Variants in NPC1 observed in about 807,000 individuals in gnomAD.
NPC1 encodes Niemann-Pick C1 protein.
NPC1 carries 85 observed loss-of-function variants against 140.4 expected under a neutral mutation model. The observed-to-expected ratio is 0.61, with a 90% confidence interval of 0.51 to 0.72. NPC1 has a LOEUF of 0.72. Among genes scored for constraint, NPC1 ranks in the 30% least tolerant of loss-of-function variants. The pLI is 0.00. For missense variants in NPC1, 1,504 were observed against 1,623.8 expected (o/e 0.93, Z 1.27); for synonymous variants, 656 against 624.8 (o/e 1.05, Z -0.74).
chr18:23,566,704 C>A (rs1428843497), intron 4 of NPC1, among the ~76,000 whole-genome samples: 1 of 152,162 alleles, frequency 6.6e-6, no homozygotes, highest in African/African-American at 2.4e-5. Flanking sequence ...GATGTTTATC[C>A]TTCCCATGCA....
chr18:23,530,993 A>G (rs919641460), downstream of NPC1, among the ~76,000 whole-genome samples: 4 of 151,798 alleles, frequency 2.6e-5, no homozygotes, highest in African/African-American at 9.7e-5. Context: ...ACATTGGTTG[A>G]TCATTCTCAT....
At chr18:23,523,550 AAAAAAAAAAAAAAAAAAAAG>A (rs1387819914) in intron 1 of NPC1, among the ~76,000 whole-genome samples, 1 of 112,102 alleles carries the variant, frequency 8.9e-6, no homozygotes, top group Non-Finnish European at 2.1e-5. Flanking sequence ...TCACAAAAAA[AAAAAAAAAAAAAAAAAAAAG>A]AAAAAAAGTT....
Position 23,548,036 on chromosome 18 carries a change from T to G in NPC1, c.1727A>C (p.Lys576Thr). The change falls in exon 11 of 25, where the codon AAG (lysine) becomes ACG (threonine). Residue 576 changes from lysine (K) to threonine (T), a missense_variant. By Grantham distance (78) the Lys-to-Thr change is moderately conservative (BLOSUM62 -1). Coordinates refer to ENST00000269228, the MANE Select transcript of NPC1 (RefSeq NM_000271.5). Reference sequence around the variant, plus strand: ...TTCCCAGGCCTGGGCCCTCTGGAGCTTCTCTGTATCATTATAGTAATTATT... The same window carrying G: ...TTCCCAGGCCTGGGCCCTCTGGAGCGTCTCTGTATCATTATAGTAATTATT... ...PVNNYYNDTE[K>T]LQRAQAWEKE... 1 of 1,610,426 alleles carries G rather than the reference T, an allele frequency of 6.2e-7. No individual in the cohort carries two copies. The highest frequency in any genetic ancestry group is 1.1e-5 in the South Asian group (1 of 90,974).
chr18:23,532,758 T>G, intron 24 of NPC1: 1 of 317,732 alleles, frequency 3.1e-6, no homozygotes. Flanking sequence ...CTACTTTCTA[T>G]CCCCCGGAGA....
intron 23 of NPC1, 166 bp downstream of exon 23, chr18:23,534,280 C>G (rs148007860): frequency 1.5e-6 from 1 of 686,606 alleles, no homozygotes; most frequent in Non-Finnish European, 2.7e-6. Context: ...TACAGTTCCA[C>G]AGAACGTCCG....
At chr18:23,549,866 C>T (rs916336922) in intron 10 of NPC1, among the ~76,000 whole-genome samples, 12 of 151,564 alleles carry the variant, frequency 7.9e-5, no homozygotes, top group Middle Eastern at 3.2e-3. Flanking sequence ...CTCAGTCTCC[C>T]GAGTAGCTGG....
At chr18:23,524,050 A>T (rs2058222532) in intron 1 of NPC1, 5 of 1,397,536 alleles carry the variant, frequency 3.6e-6, no homozygotes, top group Non-Finnish European at 5.1e-6. Context: ...ATTAAAAAGT[A>T]TTGACTTTTG....
downstream of NPC1, among the ~76,000 whole-genome samples, chr18:23,519,628 T>C (rs1598880499): frequency 6.6e-6 from 1 of 152,224 alleles, no homozygotes. Flanking sequence ...TCAAGTAGTT[T>C]AGAAAAAAGT....
chr18:23,564,518 T>TA (rs2059094071), intron 4 of NPC1, among the ~76,000 whole-genome samples: 1 of 151,996 alleles, frequency 6.6e-6, no homozygotes, highest in Non-Finnish European at 1.5e-5. Flanking sequence ...ACACAGGGTC[T>TA]CACTTTGTCA....
Position 23,573,515 on chromosome 18 carries a change from C to A in NPC1, c.117G>T (p.Arg39Ser). 1 of 1,614,108 alleles carries A rather than the reference C, an allele frequency of 6.2e-7. No homozygotes were observed. Among genetic ancestry groups the A allele is most frequent in the East Asian group, 2.2e-5 (1 of 44,866 alleles). Residue 39 changes from arginine (R) to serine (S), a missense_variant, in exon 2 of 25, where the codon AGG becomes AGT. By Grantham distance (110) the Arg-to-Ser change is moderately radical. Coordinates refer to ENST00000269228, the MANE Select transcript of NPC1 (RefSeq NM_000271.5). ...GTGGGCCAGAATATTCGCAATTGTA[C>A]CTCTTGTCCCCATATGCAATTCCAC... ...GECGIAYGDK[R>S]YNCEYSGPPK...
At chr18:23,525,405 G>A (rs138882238), downstream of NPC1, among the ~76,000 whole-genome samples, 553 of 151,728 alleles carry the variant, frequency 3.6e-3, 3 homozygotes, top group African/African-American at 0.013. Flanking sequence ...ACATCACCAC[G>A]CCCAGTTAAT....
At chr18:23,537,879 A>G (rs2058655377) in intron 20 of NPC1, among the ~76,000 whole-genome samples, 1 of 152,204 alleles carries the variant, frequency 6.6e-6, no homozygotes, top group South Asian at 2.1e-4. Context: ...ATTCACTGAT[A>G]TGACTCTGGT....
rs2058765443 is a variant in NPC1 at position 23,544,948 on chromosome 18, C to CG, written c.1947+11_1947+12insC. 3.0e-5 allele frequency: 42 copies of CG among 1,379,528 alleles called. 3 individuals carry two copies. The highest frequency in any genetic ancestry group is 4.2e-5 in the African/African-American group (3 of 71,190). The allele number at this position is 1,379,528 out of a possible 1,614,324, so 85.5% of individuals were successfully genotyped here. A position where few individuals can be genotyped will look rare whatever the true frequency, so the allele number is the denominator to read the frequency against. On this transcript the variant is annotated intron_variant, in intron 12 of 24. Transcript: ENST00000269228. ...TAACCTCTAGAACATACACCACCCC[C>CG]CCCCGGCTTACCAGAAGCCTGCGAC...
intron 19 of NPC1, among the ~76,000 whole-genome samples, 160 bp downstream of exon 19, chr18:23,539,195 C>A (rs1353808873): frequency 2.0e-5 from 3 of 152,188 alleles, no homozygotes; most frequent in African/African-American, 7.2e-5. Flanking sequence ...AACAACATGA[C>A]AATTTCAGAA....
Position 23,516,281 on chromosome 18 carries a change from T to C in NPC1, c.432-9639A>G. The C allele has an allele frequency of 2.5e-6, 4 of 1,595,450 alleles. No individual in the cohort carries two copies. The African/African-American group carries it at 5.4e-5, about 21-fold the overall frequency. On this transcript the variant is annotated intron_variant, in intron 3 of 3. Coordinates refer to the NPC1 transcript ENST00000591107. ...AGGGAATGATGAAACATTGAAGGGGTTTAATAAGCTTTTCCTAAAACATTT... is the reference window on the plus strand; with the variant it reads ...AGGGAATGATGAAACATTGAAGGGGCTTAATAAGCTTTTCCTAAAACATTT...
rs762124334 is a variant in NPC1 at position 23,560,259 on chromosome 18, CA to C, written c.852del (p.Phe284LeufsTer26). On this transcript the variant is annotated frameshift_variant, in exon 6 of 25. Transcript: ENST00000269228. LOFTEE classifies it high-confidence loss of function. The stretch of plus-strand genomic sequence containing the variant: ...TAGCACCACACTGCAAAAAATGCTC[CA>C]AAAAACACAAGCAAAAACGCCATGT... ...ITYMAFLLVF[F>X]GAFFAVWCYR... The C allele has an allele frequency of 1.9e-6, 3 of 1,614,088 alleles. No homozygotes were observed. Among genetic ancestry groups the C allele is most frequent in the Non-Finnish European group, 2.5e-6 (3 of 1,180,004 alleles).
chr18:23,530,560 CTT>C (rs766716127), downstream of NPC1: 1 of 1,614,190 alleles, frequency 6.2e-7, no homozygotes, highest in South Asian at 1.1e-5. Context: ...CAATATTCCG[CTT>C]TTTTGAACAG....
downstream of NPC1, chr18:23,527,898 G>A (rs543051591): frequency 2.9e-5 from 47 of 1,612,514 alleles, no homozygotes; most frequent in Admixed American, 8.3e-5. Context: ...AGAGTTATGC[G>A]ATGGTGAGTT....
chr18:23,510,668 G>A (rs2057829968), intron 3 of NPC1, among the ~76,000 whole-genome samples: 2 of 151,496 alleles, frequency 1.3e-5, no homozygotes, highest in Admixed American at 1.3e-4. Flanking sequence ...AGTGGGCAAA[G>A]GACATGAGCA....
Sources: gnomAD v4.1 joint callset for allele counts (sites outside exome capture counted in the v4.1 genomes callset) on GRCh38, gnomAD v4.1.1 for gene constraint, MANE v1.5 for transcripts, NCBI Gene and HGNC (gene_info 2026-07-23, HGNC 2026-07-21) for gene names.